The following RFTN2 variants were observed in gnomAD, a reference collection of about 807,000 sequenced individuals.
RFTN2 encodes the protein raftlin-2.
A neutral mutation model predicts 52.7 loss-of-function variants in RFTN2; 34 were observed. The ratio of observed to expected loss-of-function variants is 0.64; its 90% CI spans 0.49 to 0.86. RFTN2 has a LOEUF of 0.86. Ranked by LOEUF, RFTN2 falls within the 40% of genes least tolerant of loss-of-function variation. The pLI, the probability that RFTN2 is intolerant of heterozygous loss-of-function variation, is 0.00. For synonymous variants in RFTN2, 203 were observed against 217.7 expected, an observed-to-expected ratio of 0.93 and a Z score of 0.59; for missense variants, 536 against 600.1, an observed-to-expected ratio of 0.89 and a Z score of 1.12.
At chr2:197,596,908 A>G (rs1326909524) in intron 7 of RFTN2, among the ~76,000 whole-genome samples, 1 of 152,168 alleles carries the variant, frequency 6.6e-6, no homozygotes, top group Non-Finnish European at 1.5e-5. Flanking sequence ...CTTGCCAAAG[A>G]CTGCTTGGGG....
chr2:197,641,253 G>C (rs1023608393), intron 3 of RFTN2, among the ~76,000 whole-genome samples: 5 of 152,230 alleles, frequency 3.3e-5, no homozygotes, highest in African/African-American at 1.2e-4. Flanking sequence ...TGTGAGGCAG[G>C]AGAATTCTGA....
intron 7 of RFTN2, among the ~76,000 whole-genome samples, chr2:197,603,908 C>T (rs1281654773): frequency 6.6e-6 from 1 of 151,928 alleles, no homozygotes; most frequent in Non-Finnish European, 1.5e-5. Context: ...GTCTGGGCTA[C>T]AGAGTGAGAC....
chr2:197,645,949 C>T (rs995393873), intron 2 of RFTN2, among the ~76,000 whole-genome samples: 3 of 152,064 alleles, frequency 2.0e-5, no homozygotes, highest in African/African-American at 4.8e-5. Flanking sequence ...TCGCTTGAAC[C>T]CGGGAGGCAG....
At chr2:197,642,266 C>A (rs2088685567) in intron 3 of RFTN2, among the ~76,000 whole-genome samples, 1 of 152,082 alleles carries the variant, frequency 6.6e-6, no homozygotes, top group South Asian at 2.1e-4. Flanking sequence ...AGTTTCTTAC[C>A]TGAAAGGAAA....
intron 1 of RFTN2, among the ~76,000 whole-genome samples, chr2:197,649,004 A>G (rs1476736090): frequency 6.6e-6 from 1 of 152,252 alleles, no homozygotes; most frequent in Non-Finnish European, 1.5e-5. Context: ...TATGTCTAGC[A>G]TGTTCCTTAG....
intron 1 of RFTN2, among the ~76,000 whole-genome samples, chr2:197,667,521 A>G (rs564594382): frequency 4.3e-4 from 66 of 152,146 alleles, no homozygotes; most frequent in Non-Finnish European, 8.4e-4. Context: ...TGTGTCCTGC[A>G]TTCATATGTT....
intron 8 of RFTN2, among the ~76,000 whole-genome samples, chr2:197,581,243 G>A (rs565261934): frequency 1.1e-3 from 163 of 152,338 alleles, no homozygotes; most frequent in African/African-American, 3.6e-3. Context: ...TTATATGTTA[G>A]TTCAGGATCT....
intron 1 of RFTN2, among the ~76,000 whole-genome samples, chr2:197,673,301 A>G (rs1308951163): frequency 6.6e-6 from 1 of 152,140 alleles, no homozygotes. Context: ...ACCCACTCCT[A>G]TATACACTGG....
chr2:197,655,167 A>G (rs1021170405), intron 1 of RFTN2, among the ~76,000 whole-genome samples: 1 of 152,208 alleles, frequency 6.6e-6, no homozygotes, highest in African/African-American at 2.4e-5. Flanking sequence ...AAGCAGAATT[A>G]TACAACATGT....
At chr2:197,578,687 G>GAC (rs896848344) in intron 8 of RFTN2, among the ~76,000 whole-genome samples, 3 of 151,988 alleles carry the variant, frequency 2.0e-5, no homozygotes, top group Non-Finnish European at 4.4e-5. Context: ...TCTCTTTTTG[G>GAC]ACTCAGCCCG....
At chr2:197,674,786 GCTAT>G (rs1043733275) in intron 1 of RFTN2, among the ~76,000 whole-genome samples, 5 of 151,456 alleles carry the variant, frequency 3.3e-5, no homozygotes, top group African/African-American at 9.7e-5. Context: ...CTTACAGAAG[GCTAT>G]CTTTTTTTTT....
intron 7 of RFTN2, among the ~76,000 whole-genome samples, chr2:197,603,360 G>A (rs562219307): frequency 6.6e-6 from 1 of 152,254 alleles, no homozygotes; most frequent in East Asian, 1.9e-4. Flanking sequence ...GTTAATTAAA[G>A]ACATCATAGA....
At chr2:197,594,580 C>T (rs2087767222) in intron 8 of RFTN2, among the ~76,000 whole-genome samples, 1 of 152,240 alleles carries the variant, frequency 6.6e-6, no homozygotes, top group Non-Finnish European at 1.5e-5. Flanking sequence ...AGTTCTCCCA[C>T]TTCAGCCTCC....
intron 4 of RFTN2, among the ~76,000 whole-genome samples, chr2:197,632,929 G>T (rs1325889579): frequency 1.3e-5 from 2 of 152,182 alleles, no homozygotes; most frequent in Non-Finnish European, 2.9e-5. Context: ...CAAACACTTT[G>T]TAGACATTTC....
chr2:197,590,738 G>A (rs1159980033), intron 8 of RFTN2, among the ~76,000 whole-genome samples: 5 of 151,986 alleles, frequency 3.3e-5, no homozygotes, highest in South Asian at 2.1e-4. Flanking sequence ...AGACCTCCAC[G>A]GTGAGTGTTA....
intron 7 of RFTN2, among the ~76,000 whole-genome samples, chr2:197,604,853 T>C (rs2087934310): frequency 1.3e-5 from 2 of 152,152 alleles, no homozygotes; most frequent in Non-Finnish European, 2.9e-5. Context: ...CTCTGCCTCC[T>C]GGGCTCAAGC....
chr2:197,634,737 T>A (rs1013402790), intron 3 of RFTN2, among the ~76,000 whole-genome samples: 3 of 151,386 alleles, frequency 2.0e-5, no homozygotes, highest in African/African-American at 7.3e-5. Flanking sequence ...ATTTATTTAT[T>A]TATTTATTTT....
chr2:197,604,976 G>C (rs891530536), intron 7 of RFTN2, among the ~76,000 whole-genome samples: 1 of 152,134 alleles, frequency 6.6e-6, no homozygotes, highest in South Asian at 2.1e-4. Flanking sequence ...GGCCAGGCTG[G>C]TCTTGAACTC....
At chr2:197,605,822 C>T (rs77353793) in intron 7 of RFTN2, among the ~76,000 whole-genome samples, 22,514 of 152,004 alleles carry the variant, frequency 0.15, 1,933 homozygotes, top group Middle Eastern at 0.25. Flanking sequence ...CCAAGTTAGC[C>T]CTATCTGCCA....
Sources: gnomAD v4.1 joint callset for allele counts (sites outside exome capture counted in the v4.1 genomes callset) on GRCh38, gnomAD v4.1.1 for gene constraint, MANE v1.5 for transcripts, NCBI Gene and HGNC (gene_info 2026-07-23, HGNC 2026-07-21) for gene names.